The following CSMD1 variants were observed in gnomAD, a reference collection of about 807,000 sequenced individuals.
CSMD1 encodes the protein CUB and Sushi multiple domains 1.
A neutral mutation model predicts 417.5 loss-of-function variants in CSMD1; 213 were observed. The ratio of observed to expected loss-of-function variants is 0.51; its 90% CI spans 0.46 to 0.57. The LOEUF is 0.57. Ranked by LOEUF, CSMD1 falls within the 20% of genes least tolerant of loss-of-function variation. The pLI is 0.00. For missense variants in CSMD1, 6,923 were observed against 4,529.7 expected, an observed-to-expected ratio of 1.53 and a Z score of -15.17; for synonymous variants, 2,862 against 1,736.8, an observed-to-expected ratio of 1.65 and a Z score of -16.11.
intron 7 of CSMD1, among the ~76,000 whole-genome samples, chr8:3,638,487 G>C (rs1182836497): frequency 6.6e-6 from 1 of 152,024 alleles, no homozygotes; most frequent in Admixed American, 6.6e-5. Flanking sequence ...CTGGAGACGT[G>C]ATGATAATGA....
At chr8:3,631,986 C>A (rs1431660926) in intron 7 of CSMD1, among the ~76,000 whole-genome samples, 2 of 152,196 alleles carry the variant, frequency 1.3e-5, no homozygotes, top group Non-Finnish European at 2.9e-5. Flanking sequence ...ACATTGTACA[C>A]TTAGAAATTA....
chr8:4,888,148 A>T (rs953151922), intron 1 of CSMD1, among the ~76,000 whole-genome samples: 1 of 152,030 alleles, frequency 6.6e-6, no homozygotes, highest in Non-Finnish European at 1.5e-5. Context: ...TATATAAAAG[A>T]GTATATGAAT....
chr8:3,123,550 ACT>A (rs1045801458), intron 41 of CSMD1, among the ~76,000 whole-genome samples: 1 of 151,948 alleles, frequency 6.6e-6, no homozygotes, highest in African/African-American at 2.4e-5. Flanking sequence ...AACGTAATAA[ACT>A]CTCTTGGAAA....
chr8:3,620,619 A>G (rs1160363443), intron 7 of CSMD1, among the ~76,000 whole-genome samples: 1 of 152,162 alleles, frequency 6.6e-6, no homozygotes, highest in Non-Finnish European at 1.5e-5. Context: ...AGGATGTTAT[A>G]TGTTATCTCC....
chr8:3,944,123 T>A (rs550394781), intron 5 of CSMD1, among the ~76,000 whole-genome samples: 1 of 152,110 alleles, frequency 6.6e-6, no homozygotes, highest in South Asian at 2.1e-4. Flanking sequence ...ATATTAATAT[T>A]TGGGGAATCT....
chr8:3,630,319 G>A (rs1486451069), intron 7 of CSMD1, among the ~76,000 whole-genome samples: 1 of 152,150 alleles, frequency 6.6e-6, no homozygotes, highest in Non-Finnish European at 1.5e-5. Context: ...ATTACCTAAG[G>A]TAAGAGTGAA....
intron 3 of CSMD1, among the ~76,000 whole-genome samples, chr8:4,393,098 C>G (rs1585005481): frequency 6.6e-6 from 1 of 152,156 alleles, no homozygotes; most frequent in South Asian, 2.1e-4. Flanking sequence ...GCCTCAATCT[C>G]CCGAGTAGCT....
chr8:4,801,296 A>T (rs932398405), intron 1 of CSMD1, among the ~76,000 whole-genome samples: 21 of 152,098 alleles, frequency 1.4e-4, no homozygotes, highest in African/African-American at 5.1e-4. Flanking sequence ...TGAAATATGA[A>T]GTATCACAGA....
At chr8:3,725,838 T>A (rs1445082996) in intron 6 of CSMD1, among the ~76,000 whole-genome samples, 2 of 152,200 alleles carry the variant, frequency 1.3e-5, no homozygotes, top group Non-Finnish European at 2.9e-5. Flanking sequence ...AACCCATGTA[T>A]TCCACTTGCA....
chr8:4,620,093 C>A (rs1281420023), intron 2 of CSMD1, among the ~76,000 whole-genome samples: 1 of 151,734 alleles, frequency 6.6e-6, no homozygotes, highest in African/African-American at 2.4e-5. Flanking sequence ...ATAATACTCA[C>A]ATTAATTAAT....
At chr8:3,846,183 C>G (rs577949257) in intron 5 of CSMD1, among the ~76,000 whole-genome samples, 2 of 152,262 alleles carry the variant, frequency 1.3e-5, no homozygotes, top group Admixed American at 6.5e-5. Flanking sequence ...AGTGTATGTG[C>G]TAGGCTTTTA....
chr8:3,478,550 C>A (rs142427273), intron 11 of CSMD1, among the ~76,000 whole-genome samples: 1 of 152,222 alleles, frequency 6.6e-6, no homozygotes, highest in Admixed American at 6.5e-5. Context: ...GACCGAAGAC[C>A]AGAGAAACAG....
chr8:4,544,951 CATAAT>C (rs939099463), intron 2 of CSMD1, among the ~76,000 whole-genome samples: 5 of 152,314 alleles, frequency 3.3e-5, no homozygotes, highest in East Asian at 3.9e-4. Context: ...AGTTTAAAAA[CATAAT>C]ATGTCACTTG....
intron 10 of CSMD1, among the ~76,000 whole-genome samples, chr8:3,498,466 A>G (rs1796457842): frequency 1.3e-5 from 2 of 152,206 alleles, no homozygotes; most frequent in African/African-American, 2.4e-5. Context: ...TTTGATTATA[A>G]TGCTCTTTGG....
intron 23 of CSMD1, among the ~76,000 whole-genome samples, chr8:3,339,964 C>T (rs1411155500): frequency 6.6e-6 from 1 of 152,154 alleles, no homozygotes; most frequent in Non-Finnish European, 1.5e-5. Flanking sequence ...GTCTGACTTA[C>T]TATTCAGAAA....
intron 26 of CSMD1, among the ~76,000 whole-genome samples, chr8:3,234,560 G>A (rs79391415): frequency 0.025 from 3,865 of 152,242 alleles, 156 homozygotes; most frequent in African/African-American, 0.088. Context: ...GACAATAGGA[G>A]TTACCGGAAG....
intron 2 of CSMD1, among the ~76,000 whole-genome samples, chr8:4,442,673 C>G (rs534178007): frequency 6.6e-6 from 1 of 152,120 alleles, no homozygotes; most frequent in Non-Finnish European, 1.5e-5. Flanking sequence ...TTGACTTTCC[C>G]TTATTCAATG....
intron 22 of CSMD1, among the ~76,000 whole-genome samples, chr8:3,345,479 G>A (rs575489312): frequency 1.1e-4 from 16 of 152,058 alleles, no homozygotes; most frequent in South Asian, 4.2e-4. Context: ...TTCAGGTTTC[G>A]CACTGATCAC....
chr8:2,960,906 T>C (rs1407714537), intron 62 of CSMD1, among the ~76,000 whole-genome samples: 1 of 144,132 alleles, frequency 6.9e-6, no homozygotes, highest in Non-Finnish European at 1.5e-5. Context: ...CTATATGAAA[T>C]TATGCATTAT....
Sources: allele counts gnomAD v4.1 joint callset (sites outside exome capture counted in the v4.1 genomes callset), GRCh38; gene constraint gnomAD v4.1.1; transcripts MANE v1.5; gene names NCBI Gene and HGNC (gene_info 2026-07-23, HGNC 2026-07-21).